CKAP5: variants seen among roughly 807,000 people sequenced by gnomAD.
The protein encoded by CKAP5 is cytoskeleton-associated protein 5.
Under a neutral mutation model 232.8 loss-of-function variants are expected in CKAP5, and 27 were observed. The ratio of observed to expected loss-of-function variants is 0.12; its 90% CI spans 0.09 to 0.16. The LOEUF is 0.16. Among genes scored for constraint, CKAP5 ranks in the 10% least tolerant of loss-of-function variants. CKAP5 has a pLI of 1.00. For synonymous variants in CKAP5, 785 were observed against 841.1 expected, an observed-to-expected ratio of 0.93 and a Z score of 1.16; for missense variants, 1,838 against 2,424.7, an observed-to-expected ratio of 0.76 and a Z score of 5.08.
chr11:46,750,470 G>C, intron 41 of CKAP5, 37 bp from the exon 42 acceptor site: 1 of 1,612,586 alleles, frequency 6.2e-7, no homozygotes, highest in Non-Finnish European at 8.5e-7. Context: ...GGGGATGAAT[G>C]TTAGTGTCCC....
intron 19 of CKAP5, 32 bp downstream of exon 19, chr11:46,780,396 A>G (rs1352760324): frequency 1.2e-6 from 2 of 1,613,310 alleles, no homozygotes; most frequent in African/African-American, 1.3e-5. Flanking sequence ...AAAGATGGCA[A>G]TACTGCCCTA....
At chr11:46,826,430 CAGAG>C (rs894569096) in intron 1 of CKAP5, among the ~76,000 whole-genome samples, 10 of 152,084 alleles carry the variant, frequency 6.6e-5, no homozygotes, top group Admixed American at 3.3e-4. Context: ...ATCCAAGGCC[CAGAG>C]AGAGAGATTC....
intron 18 of CKAP5, among the ~76,000 whole-genome samples, chr11:46,780,718 G>GA (rs2065334882): frequency 6.6e-6 from 1 of 152,084 alleles, no homozygotes. Context: ...TGGTTCAAGC[G>GA]ATTCTCATGC....
At chr11:46,843,361 G>A (rs1940105652) in intron 1 of CKAP5, among the ~76,000 whole-genome samples, 1 of 152,014 alleles carries the variant, frequency 6.6e-6, no homozygotes, top group Non-Finnish European at 1.5e-5. Context: ...AGAAATTCCT[G>A]GGACTCCTTC....
chr11:46,821,836 C>A (rs1939541166), intron 1 of CKAP5, among the ~76,000 whole-genome samples: 1 of 151,690 alleles, frequency 6.6e-6, no homozygotes, highest in Non-Finnish European at 1.5e-5. Context: ...ATCAGGAGTT[C>A]AAGACCAGTC....
At chr11:46,779,134 AT>A (rs894541865) in intron 20 of CKAP5, among the ~76,000 whole-genome samples, 32 of 149,386 alleles carry the variant, frequency 2.1e-4, no homozygotes, top group East Asian at 7.8e-4. Flanking sequence ...AAACATAAAA[AT>A]TTTTTTTTTT....
intron 3 of CKAP5, among the ~76,000 whole-genome samples, chr11:46,817,124 AAAAG>A (rs1328557236): frequency 6.6e-6 from 1 of 151,746 alleles, no homozygotes; most frequent in African/African-American, 2.4e-5. Flanking sequence ...AAAAAAAAAA[AAAAG>A]AGAGAGAGAC....
intron 16 of CKAP5, among the ~76,000 whole-genome samples, chr11:46,786,041 T>C (rs1373803742): frequency 6.6e-6 from 1 of 151,258 alleles, no homozygotes; most frequent in African/African-American, 2.4e-5. Flanking sequence ...ACCAAAGAAA[T>C]GTAATTATCT....
intron 4 of CKAP5, among the ~76,000 whole-genome samples, chr11:46,815,401 T>C (rs934811523): frequency 2.0e-5 from 3 of 152,046 alleles, no homozygotes; most frequent in Non-Finnish European, 2.9e-5. Flanking sequence ...CCAGGCTGAA[T>C]TGCAGTGGCA....
intron 13 of CKAP5, among the ~76,000 whole-genome samples, chr11:46,794,163 A>G (rs1171977800): frequency 6.6e-6 from 1 of 152,236 alleles, no homozygotes; most frequent in Non-Finnish European, 1.5e-5. Flanking sequence ...ATAGAGGGCA[A>G]AAGCATCATA....
At position 46,790,513 on chromosome 11, in the gene CKAP5, T is replaced by G; in HGVS notation, c.1721A>C (p.Lys574Thr). The G allele has an allele frequency of 6.2e-7, 1 of 1,614,128 alleles. No homozygotes were observed. The highest frequency in any genetic ancestry group is 2.2e-5 in the East Asian group (1 of 44,882). ...GGAGNTGTKN[K>T]KGLETKEIVE... ...TATTTCTTTAGTCTCCAGTCCTTTC[T>G]TGTTCTTGGTTCCAGTATTCCCTGC... The change falls in exon 14 of 44, where the codon AAG (lysine) becomes ACG (threonine). Residue 574 changes from lysine (K) to threonine (T), a missense_variant. Around this residue, in one of 6 missense-constraint regions of CKAP5, gnomAD observed 767 missense variants for 954.6 expected, o/e 0.80. Coordinates refer to ENST00000529230, the MANE Select transcript of CKAP5 (RefSeq NM_001008938.4).
intron 1 of CKAP5, among the ~76,000 whole-genome samples, chr11:46,826,460 G>A (rs1939654109): frequency 6.6e-6 from 1 of 152,170 alleles, no homozygotes; most frequent in South Asian, 2.1e-4. Flanking sequence ...CACCCATTCA[G>A]CTCAAATGGG....
At chr11:46,744,776 T>C (rs1361456697) in intron 42 of CKAP5, among the ~76,000 whole-genome samples, 199 bp from the exon 43 acceptor site, 1 of 152,088 alleles carries the variant, frequency 6.6e-6, no homozygotes, top group African/African-American at 2.4e-5. Flanking sequence ...TGCAAAAAAC[T>C]GATATAGAAA....
intron 1 of CKAP5, chr11:46,826,675 T>C (rs868132098): frequency 1.3e-5 from 2 of 152,298 alleles, no homozygotes; most frequent in African/African-American, 2.4e-5. Context: ...TAGCCTCTGA[T>C]AGGCCAGCAA....
chr11:46,767,598 G>A lies in CKAP5; in HGVS notation c.3388C>T (p.Pro1130Ser), dbSNP rs764871974. ...ACCTTTGCTTTAGAGGATAATCCTG[G>A]AGCTTTGGCCTTTTTTGGATCAGGT... ...PKPDPKKAKA[P>S]GLSSKAKSAQ... Residue 1130 changes from proline to serine, a missense_variant, in exon 27 of 44, where the codon CCA becomes TCA. Pro to Ser is a moderately conservative substitution (Grantham distance 74). This residue lies in a region of CKAP5 where 767 missense variants were observed against 954.6 expected (regional missense o/e 0.80). Transcript: ENST00000529230. 5 of 1,612,232 alleles carry A rather than the reference G, an allele frequency of 3.1e-6. No homozygotes were observed. The highest frequency in any genetic ancestry group is 4.2e-6 in the Non-Finnish European group (5 of 1,178,892).
intron 8 of CKAP5, among the ~76,000 whole-genome samples, chr11:46,801,850 C>G (rs186028387): frequency 6.6e-6 from 1 of 152,264 alleles, no homozygotes; most frequent in East Asian, 1.9e-4. Flanking sequence ...TCAAATTGCT[C>G]ACTATCCAGT....
chr11:46,827,416 G>A (rs969741685), intron 1 of CKAP5, among the ~76,000 whole-genome samples: 3 of 152,100 alleles, frequency 2.0e-5, no homozygotes, highest in African/African-American at 7.2e-5. Context: ...GTAATAGAAG[G>A]TGAAATAGAA....
chr11:46,790,531 T>C lies in CKAP5; in HGVS notation c.1703A>G (p.Asn568Ser). The C allele has an allele frequency of 1.2e-6, 2 of 1,614,134 alleles. No homozygotes were observed. The highest frequency in any genetic ancestry group is 1.7e-6 in the Non-Finnish European group (2 of 1,179,982). ...GKPAAPGGAG[N>S]TGTKNKKGLE... ...TCCTTTCTTGTTCTTGGTTCCAGTATTCCCTGCGCCTCCTGGTGCAGCTGG... is the reference window on the plus strand; with the variant it reads ...TCCTTTCTTGTTCTTGGTTCCAGTACTCCCTGCGCCTCCTGGTGCAGCTGG... The change falls in exon 14 of 44, where the codon AAT (asparagine) becomes AGT (serine). Residue 568 changes from asparagine to serine, a missense_variant. Coordinates refer to ENST00000529230, the MANE Select transcript of CKAP5 (RefSeq NM_001008938.4).
Position 46,750,171 on chromosome 11 carries a change from G to A in CKAP5, c.5704+103C>T, listed in dbSNP as rs1174183990. On this transcript the variant is annotated intron_variant, in intron 42 of 43. Coordinates refer to ENST00000529230, the MANE Select transcript of CKAP5 (RefSeq NM_001008938.4). The stretch of plus-strand genomic sequence containing the variant: ...GGGAAGGCCATTTGGTGACCATTAA[G>A]TATTGAGGTTCATGGATATGAATTT... 3.5e-6 allele frequency: 4 copies of A among 1,140,796 alleles called. No individual in the cohort carries two copies. In the African/African-American group the frequency reaches 4.7e-5, roughly 13 times the overall value. 70.7% of individuals were successfully genotyped at this position (1,140,796 alleles called of 1,614,324 possible).
Sources: allele counts gnomAD v4.1 joint callset (sites outside exome capture counted in the v4.1 genomes callset), GRCh38; gene constraint gnomAD v4.1.1; regional missense constraint gnomAD v4.1.1; transcripts MANE v1.5; gene names NCBI Gene and HGNC (gene_info 2026-07-23, HGNC 2026-07-21).